THSD7B: variants seen among roughly 807,000 people sequenced by gnomAD.
The protein encoded by THSD7B is thrombospondin type-1 domain-containing protein 7B.
THSD7B carries 138 observed loss-of-function variants against 213.6 expected under a neutral mutation model. That is an observed-to-expected ratio of 0.65 (90% CI 0.56 to 0.74). THSD7B has a LOEUF of 0.74. Among genes scored for constraint, THSD7B ranks in the 30% least tolerant of loss-of-function variants. The pLI is 0.00. For synonymous variants in THSD7B, 742 were observed against 687.0 expected, an observed-to-expected ratio of 1.08 and a Z score of -1.25; for missense variants, 1,931 against 1,991.5, an observed-to-expected ratio of 0.97 and a Z score of 0.58.
At chr2:137,640,685 A>G (rs1378132445) in intron 20 of THSD7B, among the ~76,000 whole-genome samples, 1 of 152,224 alleles carries the variant, frequency 6.6e-6, no homozygotes. Flanking sequence ...TGTTATCACT[A>G]TTAAATGAAT....
intron 20 of THSD7B, among the ~76,000 whole-genome samples, chr2:137,637,674 G>C (rs1055187775): frequency 6.6e-6 from 1 of 151,886 alleles, no homozygotes. Flanking sequence ...TTTTTCTTTT[G>C]CATTTATTAG....
intron 15 of THSD7B, among the ~76,000 whole-genome samples, chr2:137,505,397 T>A (rs1573670612): frequency 6.6e-6 from 1 of 152,054 alleles, no homozygotes; most frequent in Non-Finnish European, 1.5e-5. Context: ...GGACCACAGG[T>A]TGGGTCACAA....
intron 2 of THSD7B, among the ~76,000 whole-genome samples, chr2:137,013,262 G>A (rs959230918): frequency 2.0e-5 from 3 of 152,276 alleles, no homozygotes; most frequent in South Asian, 2.1e-4. Flanking sequence ...AGGTTTGAAA[G>A]ACACTGGATA....
intron 7 of THSD7B, among the ~76,000 whole-genome samples, chr2:137,196,167 G>C (rs10207437): frequency 2.8e-4 from 43 of 152,160 alleles, no homozygotes; most frequent in African/African-American, 1.0e-3. Context: ...ATCAAAGAGA[G>C]ACTTCTAACC....
intron 13 of THSD7B, among the ~76,000 whole-genome samples, chr2:137,411,047 T>C (rs537570049): frequency 6.6e-6 from 1 of 152,242 alleles, no homozygotes; most frequent in Non-Finnish European, 1.5e-5. Context: ...TAGAAGAATC[T>C]CTCAAAATGA....
At chr2:137,162,837 A>C (rs1680045324) in intron 6 of THSD7B, among the ~76,000 whole-genome samples, 1 of 151,034 alleles carries the variant, frequency 6.6e-6, no homozygotes, top group Non-Finnish European at 1.5e-5. Context: ...TTGGCTCACC[A>C]CAACCTCTGC....
intron 1 of THSD7B, among the ~76,000 whole-genome samples, chr2:136,836,684 A>G (rs965893288): frequency 6.6e-6 from 1 of 152,250 alleles, no homozygotes; most frequent in Non-Finnish European, 1.5e-5. Flanking sequence ...TTCCAGTCCT[A>G]TGGCTGTAAA....
At chr2:137,664,561 G>A (rs1683413250) in intron 26 of THSD7B, among the ~76,000 whole-genome samples, 1 of 152,176 alleles carries the variant, frequency 6.6e-6, no homozygotes, top group Admixed American at 6.5e-5. Context: ...CTGTGGCTCT[G>A]TGCTGGCTGG....
chr2:137,237,029 T>G (rs1408707949), intron 9 of THSD7B, among the ~76,000 whole-genome samples: 1 of 149,630 alleles, frequency 6.7e-6, no homozygotes, highest in Non-Finnish European at 1.5e-5. Flanking sequence ...GAGAATCCCT[T>G]GAACCTGGGA....
At position 137,667,054 on chromosome 2, in the gene THSD7B, C is replaced by A. The variant is rs1004012305; in HGVS notation, c.4652-720C>A. Among the ~76,000 whole-genome samples the A allele has an allele frequency of 3.3e-5, 5 of 152,196 alleles. No individual in the cohort carries two copies. The South Asian group carries it at 1.0e-3, about 32-fold the overall frequency. On this transcript the variant is annotated intron_variant, in intron 26 of 27. Coordinates refer to ENST00000409968, the MANE Select transcript of THSD7B (RefSeq NM_001316349.2). ...CACTAAAAATGGTCATAGTAGTTTT[C>A]TTTCCATGCAAGGTTGTCTCTTAAT...
Position 137,031,227 on chromosome 2 carries a change from C to T in THSD7B, c.140-25193C>T, listed in dbSNP as rs937350003. On this transcript the variant is annotated intron_variant, in intron 2 of 27. Transcript: ENST00000409968. ...GGCATGGTGGCGGGTTGCCTGTAAT[C>T]CCAGCTACATGGGAGGCTGAGGCAG... Among the ~76,000 whole-genome samples, 69 of 152,248 alleles carry T rather than the reference C, an allele frequency of 4.5e-4. 1 individual carries two copies. Among genetic ancestry groups the T allele is most frequent in the Non-Finnish European group, 4.4e-4 (30 of 68,016 alleles).
At chr2:137,399,703 AG>A (rs1686306067) in intron 12 of THSD7B, among the ~76,000 whole-genome samples, 1 of 152,002 alleles carries the variant, frequency 6.6e-6, no homozygotes, top group South Asian at 2.1e-4. Flanking sequence ...AGTGTATTTG[AG>A]GATTGCTGGG....
intron 16 of THSD7B, among the ~76,000 whole-genome samples, chr2:137,565,070 A>G (rs1290577591): frequency 6.6e-6 from 1 of 152,146 alleles, no homozygotes; most frequent in African/African-American, 2.4e-5. Context: ...GACCATGTGA[A>G]GACAGGGAGA....
chr2:137,358,362 C>T (rs558172098), intron 12 of THSD7B, among the ~76,000 whole-genome samples: 10 of 152,120 alleles, frequency 6.6e-5, no homozygotes, highest in East Asian at 1.9e-4. Context: ...TAACAGCATC[C>T]GTAAGAGCAT....
At chr2:137,421,523 A>C (rs141369406) in intron 14 of THSD7B, among the ~76,000 whole-genome samples, 81 of 152,300 alleles carry the variant, frequency 5.3e-4, no homozygotes, top group Non-Finnish European at 1.1e-3. Flanking sequence ...CAAGAGGGGC[A>C]TGGGGGTAGG....
rs917924357 is a variant in THSD7B, at chr2:136,999,770, C to T, written c.140-56650C>T. Among the ~76,000 whole-genome samples, 29 of 151,900 alleles carry T rather than the reference C, an allele frequency of 1.9e-4. 1 individual carries two copies. The highest frequency in any genetic ancestry group is 1.9e-3 in the Admixed American group (29 of 15,252). On this transcript the variant is annotated intron_variant, in intron 2 of 27. Transcript: ENST00000409968. ...CACCCCCCTTAATGTCTGACTAAAG[C>T]CCAGCTGGAAAGTAATTTTAGTATA... is the stretch of plus-strand genomic sequence containing the variant.
chr2:136,844,041 A>T (rs564459518), intron 1 of THSD7B, among the ~76,000 whole-genome samples: 3 of 152,158 alleles, frequency 2.0e-5, no homozygotes, highest in African/African-American at 7.2e-5. Context: ...ACTGAAAGCA[A>T]TGTTCTTCCA....
intron 1 of THSD7B, among the ~76,000 whole-genome samples, chr2:136,814,127 T>C (rs900374139): frequency 6.6e-6 from 1 of 152,196 alleles, no homozygotes; most frequent in African/African-American, 2.4e-5. Flanking sequence ...TGGAGTTCCT[T>C]TAGAGTAATT....
intron 12 of THSD7B, among the ~76,000 whole-genome samples, chr2:137,316,169 A>C (rs1684094050): frequency 6.6e-6 from 1 of 152,236 alleles, no homozygotes; most frequent in African/African-American, 2.4e-5. Context: ...ATCTGTTAGA[A>C]GTTATGGCCT....
Sources: allele counts gnomAD v4.1 joint callset (sites outside exome capture counted in the v4.1 genomes callset), GRCh38; gene constraint gnomAD v4.1.1; transcripts MANE v1.5; gene names NCBI Gene and HGNC (gene_info 2026-07-23, HGNC 2026-07-21).